The following ADGRL2 variants were observed in gnomAD, a reference collection of about 807,000 sequenced individuals.
ADGRL2 encodes adhesion G protein-coupled receptor L2.
Under a neutral mutation model 157.4 loss-of-function variants are expected in ADGRL2, and 44 were observed. The observed-to-expected ratio is 0.28, with a 90% CI of 0.22 to 0.36. The LOEUF is 0.36. ADGRL2 is among the 10% of genes least tolerant of loss of function. The pLI is 1.00. For missense variants in ADGRL2, 1,510 were observed against 1,768.9 expected (o/e 0.85, Z 2.63); for synonymous variants, 585 against 624.7 (o/e 0.94, Z 0.95).
chr1:81,535,394 CAT>C lies in ADGRL2; in HGVS notation c.-247-45481_-247-45480del, dbSNP rs573292458. ...GCTGTGGTGATTATGACCCTTATCT[CAT>C]GTGTGTGTGTATGTGTGTGTGAATG... On this transcript the variant is annotated intron_variant, in intron 2 of 24. Coordinates refer to the ADGRL2 transcript ENST00000370721. Among the ~76,000 whole-genome samples, 533 of 152,036 alleles carry C rather than the reference CAT, an allele frequency of 3.5e-3. 2 individuals carry two copies. The highest frequency in any genetic ancestry group is 0.012 in the African/African-American group (517 of 41,458).
At chr1:81,891,572 G>A (rs1175907369) in intron 2 of ADGRL2, among the ~76,000 whole-genome samples, 4 of 152,010 alleles carry the variant, frequency 2.6e-5, no homozygotes, top group Non-Finnish European at 4.4e-5. Flanking sequence ...ATTAAATTGA[G>A]CATTACATGT....
At chr1:81,391,014 TAAAG>T (rs1557652650) in intron 1 of ADGRL2, among the ~76,000 whole-genome samples, 1 of 152,300 alleles carries the variant, frequency 6.6e-6, no homozygotes, top group African/African-American at 2.4e-5. Flanking sequence ...TTTTGACACT[TAAAG>T]AAGATCCTCA....
intron 3 of ADGRL2, among the ~76,000 whole-genome samples, chr1:81,933,068 G>A (rs11163394): frequency 0.38 from 57,231 of 151,850 alleles, 11,180 homozygotes; most frequent in Middle Eastern, 0.44. Flanking sequence ...CCACATTTTG[G>A]AAACTACTGC....
chr1:81,842,441 TC>T (rs1172725769), intron 2 of ADGRL2, among the ~76,000 whole-genome samples: 1 of 128,976 alleles, frequency 7.8e-6, no homozygotes, highest in African/African-American at 2.9e-5. Flanking sequence ...CACTGAAACC[TC>T]CACCTCCCGG....
intron 3 of ADGRL2, among the ~76,000 whole-genome samples, chr1:81,590,849 G>A (rs1304921574): frequency 7.2e-5 from 11 of 151,826 alleles, no homozygotes; most frequent in Admixed American, 5.3e-4. Context: ...GACCTATCAT[G>A]TAAGACTTTG....
At chr1:81,747,324 G>A (rs1456839814) in intron 1 of ADGRL2, among the ~76,000 whole-genome samples, 2 of 146,314 alleles carry the variant, frequency 1.4e-5, no homozygotes, top group African/African-American at 5.0e-5. Context: ...TTTTTGAGAT[G>A]GAGTCTTGCT....
At chr1:81,350,800 G>A (rs11810643) in intron 1 of ADGRL2, among the ~76,000 whole-genome samples, 17,525 of 152,114 alleles carry the variant, frequency 0.12, 1,605 homozygotes, top group African/African-American at 0.25. Context: ...CTGTGATGGA[G>A]CATTAGACAA....
Position 81,459,829 on chromosome 1 carries a change from T to TACAAACAC in ADGRL2, c.-248+14741_-248+14742insCAAACACA, listed in dbSNP as rs1175307654. Among the ~76,000 whole-genome samples the TACAAACAC allele has an allele frequency of 6.4e-3, 947 of 148,196 alleles. 17 individuals are homozygous for TACAAACAC. The highest frequency in any genetic ancestry group is 0.029 in the East Asian group (149 of 5,074). On this transcript the variant is annotated intron_variant, in intron 2 of 24. Transcript: ENST00000370721. The stretch of plus-strand genomic sequence containing the variant: ...ATGTGTTTGTATATATATATATATA[T>TACAAACAC]ATACACACACACACATACACACACT...
chr1:81,324,466 G>A (rs969527237), intron 1 of ADGRL2, among the ~76,000 whole-genome samples: 2 of 150,202 alleles, frequency 1.3e-5, no homozygotes, highest in Admixed American at 6.6e-5. Flanking sequence ...CCATGATTGC[G>A]CTACTGAACT....
chr1:81,469,147 CT>C (rs2078119350), intron 2 of ADGRL2, among the ~76,000 whole-genome samples: 1 of 152,206 alleles, frequency 6.6e-6, no homozygotes, highest in African/African-American at 2.4e-5. Context: ...AATTCTAAGA[CT>C]TGGCTTCTGC....
chr1:81,332,098 T>A (rs1430794381), intron 1 of ADGRL2, among the ~76,000 whole-genome samples: 1 of 152,138 alleles, frequency 6.6e-6, no homozygotes, highest in Non-Finnish European at 1.5e-5. Flanking sequence ...CAAGGATGCT[T>A]ATGCTATAGA....
intron 3 of ADGRL2, among the ~76,000 whole-genome samples, chr1:81,935,809 C>T (rs148299399): frequency 2.8e-3 from 420 of 151,764 alleles, no homozygotes; most frequent in African/African-American, 9.7e-3. Context: ...TATGAAAAGA[C>T]CTTTTGGACA....
chr1:81,539,657 A>G (rs1263983324), intron 2 of ADGRL2, among the ~76,000 whole-genome samples: 2 of 152,168 alleles, frequency 1.3e-5, no homozygotes, highest in Admixed American at 1.3e-4. Flanking sequence ...CCAGCATTCT[A>G]AGACTAAGAA....
At chr1:81,775,980 T>A (rs2086565950) in intron 2 of ADGRL2, among the ~76,000 whole-genome samples, 1 of 152,114 alleles carries the variant, frequency 6.6e-6, no homozygotes. Flanking sequence ...TTGGGTTACT[T>A]TTTTCTGGTA....
chr1:81,407,694 C>T (rs1225416454), intron 1 of ADGRL2, among the ~76,000 whole-genome samples: 1 of 152,158 alleles, frequency 6.6e-6, no homozygotes, highest in Non-Finnish European at 1.5e-5. Flanking sequence ...TTCTGGAAAG[C>T]TAACTAACCA....
At chr1:81,322,073 G>T (rs1244877517) in intron 1 of ADGRL2, among the ~76,000 whole-genome samples, 2 of 103,652 alleles carry the variant, frequency 1.9e-5, no homozygotes, top group Non-Finnish European at 4.1e-5. Flanking sequence ...TTCCTTAAAT[G>T]TACAGGACTA....
At chr1:81,888,193 C>T (rs1325125866) in intron 2 of ADGRL2, among the ~76,000 whole-genome samples, 5 of 152,200 alleles carry the variant, frequency 3.3e-5, no homozygotes, top group Middle Eastern at 3.4e-3. Flanking sequence ...AGAAGGTCAG[C>T]TATAAACGTA....
At chr1:81,555,265 CTT>C (rs71666308) in intron 2 of ADGRL2, among the ~76,000 whole-genome samples, 96 of 115,934 alleles carry the variant, frequency 8.3e-4, no homozygotes, top group Middle Eastern at 4.9e-3. Flanking sequence ...TATTTCTTTT[CTT>C]TTTTTTTTTT....
intron 2 of ADGRL2, among the ~76,000 whole-genome samples, chr1:81,487,106 A>AAAAAAAG (rs1557727624): frequency 1.4e-5 from 2 of 144,004 alleles, no homozygotes; most frequent in Admixed American, 7.1e-5. Context: ...AAAAAAAAAA[A>AAAAAAAG]AAAGAAAGTA....
Sources: allele counts gnomAD v4.1 joint callset (sites outside exome capture counted in the v4.1 genomes callset), GRCh38; gene constraint gnomAD v4.1.1; transcripts MANE v1.5; gene names NCBI Gene and HGNC (gene_info 2026-07-23, HGNC 2026-07-21).